LRRTM4: variants seen among roughly 807,000 people sequenced by gnomAD.
LRRTM4 encodes the protein leucine-rich repeat transmembrane neuronal protein 4.
Under a neutral mutation model 47.6 loss-of-function variants are expected in LRRTM4, and 25 were observed. The observed-to-expected ratio is 0.53, with a 90% CI of 0.38 to 0.73. The LOEUF (loss-of-function observed/expected upper bound fraction) is 0.73. Among genes scored for constraint, LRRTM4 ranks in the 30% least tolerant of loss-of-function variants. The pLI is 0.00. For synonymous variants in LRRTM4, 311 were observed against 269.5 expected (o/e 1.15, Z -1.51); for missense variants, 638 against 713.4 (o/e 0.89, Z 1.20).
chr2:76,879,405 T>G (rs555429131), intron 3 of LRRTM4, among the ~76,000 whole-genome samples: 2 of 152,338 alleles, frequency 1.3e-5, no homozygotes, highest in African/African-American at 4.8e-5. Flanking sequence ...AAAACTACTC[T>G]GCCTATTCTC....
At chr2:77,090,011 T>C (rs1680878816) in intron 3 of LRRTM4, among the ~76,000 whole-genome samples, 1 of 152,090 alleles carries the variant, frequency 6.6e-6, no homozygotes, top group African/African-American at 2.4e-5. Flanking sequence ...GTCTTTGTTA[T>C]CTTCCTTTTC....
chr2:76,870,413 C>T (rs760761157), intron 3 of LRRTM4, among the ~76,000 whole-genome samples: 4 of 151,990 alleles, frequency 2.6e-5, no homozygotes, highest in Non-Finnish European at 4.4e-5. Context: ...ATGCCAATTC[C>T]GCCTTGAGAG....
chr2:76,785,320 ATAAAAT>A (rs1030231277), intron 3 of LRRTM4, among the ~76,000 whole-genome samples: 85 of 152,288 alleles, frequency 5.6e-4, no homozygotes, highest in African/African-American at 1.9e-3. Context: ...ACAAGATCTG[ATAAAAT>A]TAATAATAAG....
At chr2:77,215,733 T>G (rs1674417500) in intron 3 of LRRTM4, among the ~76,000 whole-genome samples, 1 of 152,188 alleles carries the variant, frequency 6.6e-6, no homozygotes, top group Non-Finnish European at 1.5e-5. Flanking sequence ...GTTTCCTTTC[T>G]TTTAAAGTTT....
Position 77,081,542 on chromosome 2 carries a change from C to A in LRRTM4, c.1552-332626G>T, listed in dbSNP as rs530321539. Among the ~76,000 whole-genome samples, 15 of 152,088 alleles carry A rather than the reference C, an allele frequency of 9.9e-5. No homozygotes were observed. In the South Asian group the frequency reaches 3.1e-3, roughly 32 times the overall value. Reference sequence around the variant, plus strand: ...TGCACATAGAGGTAAACATATCTATCTGCCACTCACTCCAGAAGAAGTCAA... The same window carrying A: ...TGCACATAGAGGTAAACATATCTATATGCCACTCACTCCAGAAGAAGTCAA... On this transcript the variant is annotated intron_variant, in intron 3 of 3. Coordinates refer to ENST00000409884, the MANE Select transcript of LRRTM4 (RefSeq NM_001134745.3).
chr2:77,173,029 A>T (rs1029327137), intron 3 of LRRTM4, among the ~76,000 whole-genome samples: 1 of 152,230 alleles, frequency 6.6e-6, no homozygotes, highest in African/African-American at 2.4e-5. Context: ...CAAGGGATGC[A>T]ATAATCAGCT....
intron 3 of LRRTM4, among the ~76,000 whole-genome samples, chr2:77,124,952 G>A (rs891973560): frequency 6.6e-6 from 1 of 152,150 alleles, no homozygotes; most frequent in Non-Finnish European, 1.5e-5. Flanking sequence ...ACAGCATTCT[G>A]AGCCTAGTTA....
chr2:76,924,745 CAT>C (rs1674535292), intron 3 of LRRTM4, among the ~76,000 whole-genome samples: 1 of 152,110 alleles, frequency 6.6e-6, no homozygotes, highest in South Asian at 2.1e-4. Flanking sequence ...TGAGCCACCA[CAT>C]AGGAATAATA....
rs547916170 is a variant in LRRTM4 at position 77,130,317 on chromosome 2, T to G, written c.1552-381401A>C. ...TGTTCAGGTTATCCAGAAGGCAATATTCTTTCCTCCAGAATGGTGGAACAT... is the reference window on the plus strand; with the variant it reads ...TGTTCAGGTTATCCAGAAGGCAATAGTCTTTCCTCCAGAATGGTGGAACAT... On this transcript the variant is annotated intron_variant, in intron 3 of 3. Coordinates refer to ENST00000409884, the MANE Select transcript of LRRTM4 (RefSeq NM_001134745.3). Among the ~76,000 whole-genome samples, 4 of 152,122 alleles carry G rather than the reference T, an allele frequency of 2.6e-5. No individual in the cohort carries two copies. In the South Asian group the frequency reaches 6.2e-4, roughly 24 times the overall value.
At chr2:77,158,070 CAG>C (rs1286878683) in intron 3 of LRRTM4, among the ~76,000 whole-genome samples, 1 of 152,042 alleles carries the variant, frequency 6.6e-6, no homozygotes, top group Admixed American at 6.6e-5. Flanking sequence ...TAAAGAAACA[CAG>C]GGGAAATATT....
chr2:77,382,089 TG>T (rs931163146), intron 3 of LRRTM4, among the ~76,000 whole-genome samples: 3 of 152,060 alleles, frequency 2.0e-5, no homozygotes, highest in African/African-American at 7.2e-5. Context: ...CCTAAAATTT[TG>T]TTCTTGTCTT....
chr2:77,428,574 T>C lies in LRRTM4; in HGVS notation c.1551+89744A>G, dbSNP rs554093782. Among the ~76,000 whole-genome samples, 4 of 152,284 alleles carry C rather than the reference T, an allele frequency of 2.6e-5. No individual in the cohort carries two copies. The East Asian group carries it at 7.7e-4, about 29-fold the overall frequency. On this transcript the variant is annotated intron_variant, in intron 3 of 3. Transcript: ENST00000409884. ...GAATATTGCCTTTTCCCATTCTCAG[T>C]AATATTTTTAAAAGGTTCACATTTT...
intron 3 of LRRTM4, among the ~76,000 whole-genome samples, chr2:77,249,585 A>T (rs1010763091): frequency 2.0e-5 from 3 of 152,214 alleles, no homozygotes; most frequent in Non-Finnish European, 2.9e-5. Flanking sequence ...ATTATATGTC[A>T]TAAGAAAATG....
intron 3 of LRRTM4, among the ~76,000 whole-genome samples, chr2:77,431,156 A>G (rs1327386039): frequency 6.7e-6 from 1 of 148,998 alleles, no homozygotes; most frequent in Non-Finnish European, 1.5e-5. Context: ...CGCATGAGCC[A>G]ATTCCCCTAA....
At chr2:76,853,082 A>G (rs1352475554) in intron 3 of LRRTM4, among the ~76,000 whole-genome samples, 1 of 152,152 alleles carries the variant, frequency 6.6e-6, no homozygotes, top group East Asian at 1.9e-4. Flanking sequence ...GTTTTATGCT[A>G]TGCTGAAAAG....
rs543727994 is a variant in LRRTM4 at position 77,063,918 on chromosome 2, A to AT, written c.1552-315003dup. 5.5e-3 allele frequency among the ~76,000 whole-genome samples: 834 copies of AT among 150,386 alleles called. 12 individuals are homozygous for AT. The highest frequency in any genetic ancestry group is 0.013 in the South Asian group (64 of 4,752). On this transcript the variant is annotated intron_variant, in intron 3 of 3. Transcript: ENST00000409884. ...AAAATAAAGATGACTAATGGCCTAG[A>AT]TTTTTTTTTTGGAAGGAGACTAAGG...
At chr2:77,133,767 G>A (rs963121251) in intron 3 of LRRTM4, among the ~76,000 whole-genome samples, 2 of 152,136 alleles carry the variant, frequency 1.3e-5, no homozygotes, top group African/African-American at 4.8e-5. Context: ...TGTATGTGTT[G>A]CTATGACGCC....
intron 3 of LRRTM4, among the ~76,000 whole-genome samples, chr2:76,947,268 C>A (rs894307530): frequency 6.6e-6 from 1 of 151,830 alleles, no homozygotes; most frequent in Admixed American, 6.6e-5. Flanking sequence ...TGCCTTCTCT[C>A]ATTTAAGTCT....
intron 3 of LRRTM4, among the ~76,000 whole-genome samples, chr2:77,003,916 T>G (rs997655132): frequency 1.3e-5 from 2 of 152,190 alleles, no homozygotes; most frequent in Admixed American, 6.5e-5. Flanking sequence ...TGAGGTGGTC[T>G]CATAGGGACA....
Sources: allele counts gnomAD v4.1 joint callset (sites outside exome capture counted in the v4.1 genomes callset), GRCh38; gene constraint gnomAD v4.1.1; transcripts MANE v1.5; gene names NCBI Gene and HGNC (gene_info 2026-07-23, HGNC 2026-07-21).